The following KIF5C variants were observed in gnomAD, a reference collection of about 807,000 sequenced individuals.
KIF5C encodes kinesin family member 5C.
Under a neutral mutation model 125.2 loss-of-function variants are expected in KIF5C, and 18 were observed. That is an observed-to-expected ratio of 0.14 (90% CI 0.10 to 0.21). The LOEUF is 0.21. Ranked by LOEUF, KIF5C falls within the 10% of genes least tolerant of loss-of-function variation. The pLI is 1.00. For synonymous variants in KIF5C, 405 were observed against 434.0 expected, an observed-to-expected ratio of 0.93 and a Z score of 0.83; for missense variants, 780 against 1,183.8, an observed-to-expected ratio of 0.66 and a Z score of 5.01.
intron 10 of KIF5C, among the ~76,000 whole-genome samples, chr2:148,952,636 A>G (rs1032091399): frequency 8.5e-5 from 13 of 152,130 alleles, no homozygotes; most frequent in Admixed American, 7.9e-4. Context: ...CCCAGTGTTG[A>G]AGCTAATTCT....
intron 1 of KIF5C, among the ~76,000 whole-genome samples, chr2:148,903,865 GTTAT>G (rs1294442906): frequency 6.6e-6 from 1 of 152,168 alleles, no homozygotes; most frequent in Non-Finnish European, 1.5e-5. Context: ...TTCTTGGGAA[GTTAT>G]TTTTTTTCCC....
At chr2:148,998,775 C>A (rs1337149240) in intron 19 of KIF5C, 2 of 391,146 alleles carry the variant, frequency 5.1e-6, no homozygotes, top group Non-Finnish European at 9.3e-6. Context: ...ATAGGTGATT[C>A]CGCTGGATGG....
chr2:148,938,814 A>G (rs966042887), intron 4 of KIF5C, among the ~76,000 whole-genome samples: 3 of 152,114 alleles, frequency 2.0e-5, no homozygotes. Context: ...GGCTGGGCAC[A>G]GTGGCTCAGA....
At chr2:148,926,114 A>G (rs1681983978) in intron 2 of KIF5C, among the ~76,000 whole-genome samples, 1 of 152,206 alleles carries the variant, frequency 6.6e-6, no homozygotes, top group South Asian at 2.1e-4. Context: ...GGTAGGTATG[A>G]TCACATCCTC....
intron 1 of KIF5C, among the ~76,000 whole-genome samples, chr2:148,892,796 A>G (rs551278388): frequency 6.6e-6 from 1 of 152,280 alleles, no homozygotes; most frequent in East Asian, 1.9e-4. Flanking sequence ...AAATGGAGAG[A>G]TTTATGTCTG....
intron 25 of KIF5C, among the ~76,000 whole-genome samples, chr2:149,019,814 C>T (rs114240359): frequency 2.1e-3 from 316 of 152,322 alleles, no homozygotes; most frequent in Non-Finnish European, 3.4e-3. Flanking sequence ...GGTGTGAAAA[C>T]GGTCTCTAAA....
intron 12 of KIF5C, among the ~76,000 whole-genome samples, chr2:148,974,430 G>A (rs6755213): frequency 0.17 from 25,481 of 152,116 alleles, 3,455 homozygotes; most frequent in African/African-American, 0.37. Context: ...AGACTGGTAT[G>A]ACCTTTGCAA....
chr2:148,954,553 A>C (rs1465747672), intron 10 of KIF5C, among the ~76,000 whole-genome samples: 2 of 152,246 alleles, frequency 1.3e-5, no homozygotes, highest in African/African-American at 4.8e-5. Flanking sequence ...GAGGGGGCAG[A>C]CCAATGTGGT....
intron 1 of KIF5C, among the ~76,000 whole-genome samples, chr2:148,890,205 CA>C (rs1194633134): frequency 6.6e-6 from 1 of 151,838 alleles, no homozygotes; most frequent in Non-Finnish European, 1.5e-5. Flanking sequence ...ACACTTTTTG[CA>C]TACAACTTAA....
chr2:148,895,231 G>A (rs776648309), intron 1 of KIF5C, among the ~76,000 whole-genome samples: 26 of 152,112 alleles, frequency 1.7e-4, no homozygotes, highest in Admixed American at 2.6e-4. Context: ...TCCGCCTCCC[G>A]GGTTCAAGCG....
At chr2:148,985,850 G>A (rs1484179403) in intron 15 of KIF5C, among the ~76,000 whole-genome samples, 2 of 152,142 alleles carry the variant, frequency 1.3e-5, no homozygotes, top group East Asian at 1.9e-4. Flanking sequence ...ATGACCGCTC[G>A]TAAATGTAAC....
intron 2 of KIF5C, among the ~76,000 whole-genome samples, chr2:148,923,379 G>T (rs1382884782): frequency 6.6e-6 from 1 of 152,104 alleles, no homozygotes; most frequent in Non-Finnish European, 1.5e-5. Flanking sequence ...AATTAATTTT[G>T]AAGGTCTTCA....
intron 23 of KIF5C, among the ~76,000 whole-genome samples, chr2:149,009,279 TGCACCCAGCTGAA>T (rs1682110993): frequency 6.6e-6 from 1 of 152,094 alleles, no homozygotes; most frequent in Admixed American, 6.5e-5. Context: ...CGTGAGCCAC[TGCACCCAGCTGAA>T]ATGCATTATC....
At chr2:148,879,987 G>T (rs114422284) in intron 1 of KIF5C, 1 of 152,188 alleles carries the variant, frequency 6.6e-6, no homozygotes, top group Non-Finnish European at 1.5e-5. Flanking sequence ...GACCAAATCC[G>T]CGCCTGAGTT....
intron 11 of KIF5C, among the ~76,000 whole-genome samples, chr2:148,969,855 T>G (rs934275450): frequency 1.3e-5 from 2 of 152,170 alleles, no homozygotes; most frequent in African/African-American, 4.8e-5. Context: ...GACGTGTTTG[T>G]GAGCTGGACA....
At chr2:148,995,859 A>G (rs964101064) in intron 17 of KIF5C, among the ~76,000 whole-genome samples, 1 of 152,238 alleles carries the variant, frequency 6.6e-6, no homozygotes, top group African/African-American at 2.4e-5. Flanking sequence ...TATAACTATT[A>G]AAAATGAATG....
At position 148,887,910 on chromosome 2, in the gene KIF5C, A is replaced by G. The variant is rs1262746305; in HGVS notation, c.126+12167A>G. On this transcript the variant is annotated intron_variant, in intron 1 of 25. Transcript: ENST00000435030. ...TTGAATGTTGTTGAGGAAAGATGCGAAAAAGAATGTGTGCTGGAGGCTGGA... is the reference window on the plus strand; with the variant it reads ...TTGAATGTTGTTGAGGAAAGATGCGGAAAAGAATGTGTGCTGGAGGCTGGA... Among the ~76,000 whole-genome samples, 11 of 152,136 alleles carry G rather than the reference A, an allele frequency of 7.2e-5. No homozygotes were observed. In the East Asian group the frequency reaches 2.1e-3, roughly 30 times the overall value.
At chr2:148,937,198 C>A (rs1682309283) in intron 3 of KIF5C, 86 bp from the exon 4 acceptor site, 1 of 1,507,204 alleles carries the variant, frequency 6.6e-7, no homozygotes. Flanking sequence ...CGGGTTCTGT[C>A]TGAGGAACCC....
intron 21 of KIF5C, among the ~76,000 whole-genome samples, chr2:149,002,710 G>A (rs1362639406): frequency 6.6e-6 from 1 of 151,970 alleles, no homozygotes; most frequent in Non-Finnish European, 1.5e-5. Flanking sequence ...CCCCTCACAC[G>A]CACGCAGGCG....
Sources: allele counts gnomAD v4.1 joint callset (sites outside exome capture counted in the v4.1 genomes callset), GRCh38; gene constraint gnomAD v4.1.1; transcripts MANE v1.5; gene names NCBI Gene and HGNC (gene_info 2026-07-23, HGNC 2026-07-21).